ZNF385D: variants seen among roughly 807,000 people sequenced by gnomAD.
ZNF385D encodes zinc finger protein 659.
ZNF385D carries 15 observed loss-of-function variants against 35.8 expected under a neutral mutation model. That is an observed-to-expected ratio of 0.42 (90% CI 0.28 to 0.64). The LOEUF is 0.64. Ranked by LOEUF, ZNF385D falls within the 30% of genes least tolerant of loss-of-function variation. ZNF385D has a pLI of 0.23. For missense variants in ZNF385D, 474 were observed against 494.6 expected (o/e 0.96, Z 0.39); for synonymous variants, 212 against 186.8 (o/e 1.13, Z -1.10).
At chr3:21,952,844 A>C (rs1328983781) in intron 3 of ZNF385D, among the ~76,000 whole-genome samples, 2 of 152,024 alleles carry the variant, frequency 1.3e-5, no homozygotes, top group African/African-American at 4.8e-5. Flanking sequence ...TATATCATAC[A>C]TAAACTAAAC....
chr3:21,600,632 A>G lies in ZNF385D; in HGVS notation c.166-35948T>C, dbSNP rs78532221. On this transcript the variant is annotated intron_variant, in intron 2 of 7. Coordinates refer to ENST00000281523, the MANE Select transcript of ZNF385D (RefSeq NM_024697.3). ...GCAAATTTAAAGCTGATATCATAAG[A>G]TATTTGAAGGAAGCTTTCAAAATAC... 1.2e-3 allele frequency among the ~76,000 whole-genome samples: 187 copies of G among 152,344 alleles called. 3 individuals carry two copies. The East Asian group carries it at 0.033, about 27-fold the overall frequency.
intron 3 of ZNF385D, among the ~76,000 whole-genome samples, chr3:22,087,431 G>T (rs2125594833): frequency 6.6e-6 from 1 of 152,234 alleles, no homozygotes; most frequent in East Asian, 1.9e-4. Flanking sequence ...GGGAGTATAT[G>T]AAAATGAGGT....
intron 2 of ZNF385D, among the ~76,000 whole-genome samples, chr3:22,255,575 T>G (rs531846943): frequency 7.9e-5 from 12 of 151,936 alleles, no homozygotes; most frequent in African/African-American, 2.9e-4. Context: ...TAATGTATAT[T>G]ACCAATGAGC....
chr3:21,947,868 T>C (rs1701872995), intron 3 of ZNF385D, among the ~76,000 whole-genome samples: 1 of 152,168 alleles, frequency 6.6e-6, no homozygotes, highest in Non-Finnish European at 1.5e-5. Context: ...TAGAATTTGT[T>C]ACTTTTGAAG....
At chr3:22,074,085 A>G (rs1700353729) in intron 3 of ZNF385D, among the ~76,000 whole-genome samples, 1 of 152,000 alleles carries the variant, frequency 6.6e-6, no homozygotes, top group African/African-American at 2.4e-5. Context: ...GGAAGCATTA[A>G]TATTTTCCCA....
At chr3:22,347,625 C>T (rs1281235669) in intron 2 of ZNF385D, among the ~76,000 whole-genome samples, 4 of 152,062 alleles carry the variant, frequency 2.6e-5, no homozygotes, top group Non-Finnish European at 4.4e-5. Context: ...AGCTTGGTAG[C>T]GTTGTTAGAA....
rs1700561803 is a variant in ZNF385D, at chr3:21,416,388, A to G, written c.*4826T>C. 1 of 152,168 alleles carries G rather than the reference A, an allele frequency of 6.6e-6. No homozygotes were observed. The highest frequency in any genetic ancestry group is 1.5e-5 in the Non-Finnish European group (1 of 68,018). 9.4% of individuals were successfully genotyped at this position (152,168 alleles called of 1,614,324 possible). A position where few individuals can be genotyped will look rare whatever the true frequency, so the allele number is the denominator to read the frequency against. ...AGAGTAGAACCTGCCTTTTGTCACC[A>G]TTCACATTCTGGTAAGTTGTAAGTC... On this transcript the variant is annotated 3_prime_UTR_variant, in exon 8 of 8. Coordinates refer to ENST00000281523, the MANE Select transcript of ZNF385D (RefSeq NM_024697.3).
rs12638585 is a variant in ZNF385D at position 21,758,819 on chromosome 3, G to C, written c.326-93791C>G. On this transcript the variant is annotated intron_variant, in intron 3 of 5. Coordinates refer to the ZNF385D transcript ENST00000494108. ...TTTTCACCTAGTTTTGTATGAGGCA[G>C]AGGCAGACACTGGCCTCTCACTTTA... Among the ~76,000 whole-genome samples, 5 of 151,842 alleles carry C rather than the reference G, an allele frequency of 3.3e-5. No individual in the cohort carries two copies. The South Asian group carries it at 1.0e-3, about 32-fold the overall frequency.
chr3:22,153,963 A>G (rs1705425231), intron 3 of ZNF385D, among the ~76,000 whole-genome samples: 1 of 152,130 alleles, frequency 6.6e-6, no homozygotes, highest in African/African-American at 2.4e-5. Flanking sequence ...GTTAGTTCAC[A>G]TGTTCCCATT....
chr3:22,227,491 T>C (rs1324367827), intron 2 of ZNF385D, among the ~76,000 whole-genome samples: 1 of 152,140 alleles, frequency 6.6e-6, no homozygotes, highest in Non-Finnish European at 1.5e-5. Context: ...GTGCTTTTCG[T>C]TTGATCACAT....
At chr3:22,090,216 G>C (rs778829754) in intron 3 of ZNF385D, among the ~76,000 whole-genome samples, 1 of 152,146 alleles carries the variant, frequency 6.6e-6, no homozygotes, top group African/African-American at 2.4e-5. Flanking sequence ...GGTCCCAGGA[G>C]ATAGACCTCC....
intron 3 of ZNF385D, among the ~76,000 whole-genome samples, chr3:21,941,109 T>C (rs1032687983): frequency 1.3e-5 from 2 of 152,202 alleles, no homozygotes; most frequent in Non-Finnish European, 2.9e-5. Flanking sequence ...TTGTATTCTG[T>C]AGAAAACTAT....
chr3:21,508,053 T>C (rs1467632607), intron 4 of ZNF385D, among the ~76,000 whole-genome samples: 6 of 152,164 alleles, frequency 3.9e-5, no homozygotes, highest in Non-Finnish European at 8.8e-5. Flanking sequence ...TAGGTCCTCA[T>C]GGATTAGGAA....
intron 2 of ZNF385D, among the ~76,000 whole-genome samples, chr3:21,600,807 G>T (rs1157006117): frequency 6.6e-6 from 1 of 151,818 alleles, no homozygotes; most frequent in Non-Finnish European, 1.5e-5. Flanking sequence ...AAAGCTCTGA[G>T]AAATTATAAA....
intron 2 of ZNF385D, among the ~76,000 whole-genome samples, chr3:22,363,194 G>A (rs1233662802): frequency 1.3e-5 from 1 of 75,260 alleles, no homozygotes; most frequent in Non-Finnish European, 2.7e-5. Flanking sequence ...CCACCTTAGA[G>A]GTACTCTTTC....
intron 2 of ZNF385D, among the ~76,000 whole-genome samples, chr3:22,288,836 C>T (rs1334296510): frequency 6.6e-6 from 1 of 152,078 alleles, no homozygotes; most frequent in African/African-American, 2.4e-5. Context: ...TCCCTCAGTC[C>T]TTTTAGACTG....
chr3:22,204,391 G>A (rs1697009152), intron 2 of ZNF385D, among the ~76,000 whole-genome samples: 1 of 151,924 alleles, frequency 6.6e-6, no homozygotes, highest in Non-Finnish European at 1.5e-5. Flanking sequence ...CCAGAAGAAT[G>A]GAAACAAACA....
At chr3:22,079,181 C>T (rs1416859672) in intron 3 of ZNF385D, among the ~76,000 whole-genome samples, 1 of 151,980 alleles carries the variant, frequency 6.6e-6, no homozygotes, top group Admixed American at 6.6e-5. Flanking sequence ...TTGAGTGCCA[C>T]AGTACATAAA....
chr3:21,591,655 G>T (rs372875537), intron 2 of ZNF385D, among the ~76,000 whole-genome samples: 22 of 152,086 alleles, frequency 1.4e-4, no homozygotes, highest in African/African-American at 4.8e-4. Context: ...CCTGCACAGG[G>T]TCACACCCTG....
Sources: allele counts gnomAD v4.1 joint callset (sites outside exome capture counted in the v4.1 genomes callset), GRCh38; gene constraint gnomAD v4.1.1; transcripts MANE v1.5; gene names NCBI Gene and HGNC (gene_info 2026-07-23, HGNC 2026-07-21).